The following PLEKHG4B variants were observed in gnomAD, a reference collection of about 807,000 sequenced individuals.
PLEKHG4B encodes pleckstrin homology and RhoGEF domain containing G4B, also known as pleckstrin homology domain-containing family G member 4B.
Under a neutral mutation model 121.3 loss-of-function variants are expected in PLEKHG4B, and 111 were observed. The ratio of observed to expected loss-of-function variants is 0.92; its 90% CI spans 0.78 to 1.07. PLEKHG4B has a LOEUF of 1.07. Ranked by LOEUF, PLEKHG4B falls within the 50% of genes least tolerant of loss-of-function variation. PLEKHG4B has a pLI of 0.00. For synonymous variants in PLEKHG4B, 738 were observed against 725.0 expected (o/e 1.02, Z -0.29); for missense variants, 1,831 against 1,757.8 (o/e 1.04, Z -0.74).
chr5:174,271 GAA>G (rs1736680824), intron 18 of PLEKHG4B, among the ~76,000 whole-genome samples, 173 bp downstream of exon 18: 2 of 115,614 alleles, frequency 1.7e-5, no homozygotes, highest in East Asian at 3.1e-4. Context: ...AGGGGCTGGG[GAA>G]TGGGGGCTGG....
Position 154,904 on chromosome 5 carries a change from G to A in PLEKHG4B, c.2022G>A (p.Val674=). 1 of 1,613,834 alleles carries A rather than the reference G, an allele frequency of 6.2e-7. No individual in the cohort carries two copies. The highest frequency in any genetic ancestry group is 8.5e-7 in the Non-Finnish European group (1 of 1,180,026). The change falls in exon 8 of 20, where the codon GTG becomes GTA. Residue 674 remains valine (V), a synonymous_variant. Transcript: ENST00000637938. ...QCEVVSSLKA[V]HKFVDSCQLT... Reference sequence around the variant, plus strand: ...AGGTCGTGAGCTCCCTGAAGGCCGTGCACAAATTTGTTGACAGCTGCCAGC... The same window carrying A: ...AGGTCGTGAGCTCCCTGAAGGCCGTACACAAATTTGTTGACAGCTGCCAGC...
Position 143,273 on chromosome 5 carries a change from G to C in PLEKHG4B, c.1687+17G>C, listed in dbSNP as rs1029823527. 1.3e-5 allele frequency: 21 copies of C among 1,609,410 alleles called. No homozygotes were observed. The highest frequency in any genetic ancestry group is 1.7e-5 in the Admixed American group (1 of 59,994). On this transcript the variant is annotated intron_variant, in intron 4 of 19. Transcript: ENST00000637938. ...CCCTCCCAGGTGAGAGCACATGCCA[G>C]GCTCTCCTGTCAGGGCGGATCTGAC...
At chr5:141,638 G>C (rs1357385194) in intron 3 of PLEKHG4B, among the ~76,000 whole-genome samples, 2 of 151,190 alleles carry the variant, frequency 1.3e-5, no homozygotes, top group Admixed American at 6.6e-5. Flanking sequence ...GAGAGAAAAT[G>C]TGATGATTTA....
Position 155,411 on chromosome 5 carries a change from C to T in PLEKHG4B, c.2176C>T (p.Leu726=), listed in dbSNP as rs770549223. Residue 726 remains leucine (L), a synonymous_variant, in exon 9 of 20, where the codon CTG becomes TTG. Coordinates refer to ENST00000637938, the MANE Select transcript of PLEKHG4B (RefSeq NM_052909.5). ...TTTCCTACAGAATTCATTCTGCTCC[C>T]TGAACACCCACAGAACCCCAAGAAC... ...IIFLQNSFCS[L]NTHRTPRTAQ... The T allele has an allele frequency of 6.2e-7, 1 of 1,614,214 alleles. No homozygotes were observed. The highest frequency in any genetic ancestry group is 8.5e-7 in the Non-Finnish European group (1 of 1,180,026).
At chr5:162,409 C>T (rs754671894) in intron 12 of PLEKHG4B, among the ~76,000 whole-genome samples, 11 of 152,214 alleles carry the variant, frequency 7.2e-5, no homozygotes, top group East Asian at 1.9e-4. Context: ...AGGGTAGAGC[C>T]GTCTGCCCCG....
rs995324543 is a variant in PLEKHG4B, at chr5:140,056, G to A, written c.817G>A (p.Glu273Lys). 1.6e-5 allele frequency: 7 copies of A among 436,770 alleles called. No homozygotes were observed. Among genetic ancestry groups the A allele is most frequent in the Admixed American group, 7.7e-5 (2 of 25,820 alleles). The allele number at this position is 436,770 out of a possible 1,614,324, so 27.1% of individuals were successfully genotyped here. A position where few individuals can be genotyped will look rare whatever the true frequency, so the allele number is the denominator to read the frequency against. Residue 273 changes from glutamate to lysine, a missense_variant, in exon 3 of 20, where the codon GAG becomes AAG. Coordinates refer to ENST00000637938, the MANE Select transcript of PLEKHG4B (RefSeq NM_052909.5). ...LRHLPYPERA[E>K]LGSPRTLSGS... ...GCACCTTCCTTATCCAGAAAGAGCC[G>A]AGCTGGGAAGCCCCAGGACCCTGTC...
chr5:181,813 C>T (rs562960867), intron 19 of PLEKHG4B, 138 bp downstream of exon 19: 196 of 1,302,324 alleles, frequency 1.5e-4, no homozygotes, highest in Non-Finnish European at 1.8e-4. Context: ...GACACGGGTA[C>T]GGTGGCCTCG....
chr5:158,315 C>G (rs58539762), intron 11 of PLEKHG4B, among the ~76,000 whole-genome samples: 1,781 of 96,204 alleles, frequency 0.019, 93 homozygotes, highest in African/African-American at 0.049. Flanking sequence ...TCCATCTCCT[C>G]TCCTCCCTCT....
At chr5:115,751 C>G (rs1246841204) in intron 2 of PLEKHG4B, among the ~76,000 whole-genome samples, 1 of 152,232 alleles carries the variant, frequency 6.6e-6, no homozygotes, top group Non-Finnish European at 1.5e-5. Context: ...TAGCTTCAAG[C>G]TTTTCTTCTG....
At chr5:148,112 G>T (rs889060920) in intron 6 of PLEKHG4B, among the ~76,000 whole-genome samples, 2 of 152,046 alleles carry the variant, frequency 1.3e-5, no homozygotes, top group African/African-American at 4.8e-5. Context: ...AAAATCTACA[G>T]CAAATATCAT....
chr5:172,684 C>T (rs1736602898), intron 16 of PLEKHG4B, among the ~76,000 whole-genome samples: 1 of 152,136 alleles, frequency 6.6e-6, no homozygotes, highest in Non-Finnish European at 1.5e-5. Context: ...TGGGTGAGTT[C>T]CTGAGCTTTT....
intron 2 of PLEKHG4B, among the ~76,000 whole-genome samples, chr5:136,468 A>G (rs1734986858): frequency 6.6e-6 from 1 of 152,234 alleles, no homozygotes; most frequent in Non-Finnish European, 1.5e-5. Flanking sequence ...CAAAAGCTCA[A>G]CAACAAAAAT....
chr5:140,708 A>G lies in PLEKHG4B; in HGVS notation c.1469A>G (p.Lys490Arg), dbSNP rs1735145144. Residue 490 changes from lysine to arginine, a missense_variant, in exon 3 of 20, where the codon AAA becomes AGA. Lys to Arg is a conservative substitution (Grantham distance 26, BLOSUM62 2). Coordinates refer to ENST00000637938, the MANE Select transcript of PLEKHG4B (RefSeq NM_052909.5). ...CVPVEGPGCTKEEDVLASSAC... is the reference protein window; with the variant it reads ...CVPVEGPGCTREEDVLASSAC... The stretch of plus-strand genomic sequence containing the variant: ...CCAGTAGAGGGTCCCGGCTGCACCA[A>G]AGAGGAAGGTAAATGCTCCCCACGC... The G allele has an allele frequency of 2.6e-6, 4 of 1,565,864 alleles. No individual in the cohort carries two copies. The highest frequency in any genetic ancestry group is 3.5e-6 in the Non-Finnish European group (4 of 1,156,668).
intron 18 of PLEKHG4B, among the ~76,000 whole-genome samples, chr5:178,318 T>A (rs999289907): frequency 2.0e-5 from 3 of 152,174 alleles, no homozygotes; most frequent in South Asian, 2.1e-4. Context: ...ACATTCCCAA[T>A]GGGTGGGGGA....
intron 1 of PLEKHG4B, among the ~76,000 whole-genome samples, chr5:100,510 G>A (rs1733774672): frequency 1.9e-5 from 1 of 51,712 alleles, no homozygotes; most frequent in African/African-American, 1.4e-4. Flanking sequence ...AAAGCCTGTA[G>A]GGGAGAGACT....
chr5:171,939 G>A lies in PLEKHG4B; in HGVS notation c.4050+495G>A, dbSNP rs527827033. The stretch of plus-strand genomic sequence containing the variant: ...GGGTCTCATCAGGCCCCTCTGCGGG[G>A]GTTGTGCAGCTCAGTGTAGTGAAGG... On this transcript the variant is annotated intron_variant, in intron 16 of 19. Transcript: ENST00000637938. Among the ~76,000 whole-genome samples, 6 of 152,340 alleles carry A rather than the reference G, an allele frequency of 3.9e-5. No individual in the cohort carries two copies. In the East Asian group the frequency reaches 1.2e-3, roughly 29 times the overall value.
At chr5:118,929 C>T (rs776279677) in intron 2 of PLEKHG4B, among the ~76,000 whole-genome samples, 11 of 151,742 alleles carry the variant, frequency 7.2e-5, no homozygotes, top group Non-Finnish European at 1.5e-4. Flanking sequence ...TGGCTCACTA[C>T]AGCCTTGACC....
rs1456651163 is a variant in PLEKHG4B at position 137,175 on chromosome 5, A to G, written c.244-2308A>G. On this transcript the variant is annotated intron_variant, in intron 2 of 19. Transcript: ENST00000637938. This position sits in a 1 kb window ranked among gnomAD's most constrained non-coding sequence, Gnocchi z 4.2. Reference sequence around the variant, plus strand: ...GATAGGAGCCAGTACTGGAAGGACAAATGTTGGATGATTCCACTTGTATGA... The same window carrying G: ...GATAGGAGCCAGTACTGGAAGGACAGATGTTGGATGATTCCACTTGTATGA... Among the ~76,000 whole-genome samples, 3 of 152,210 alleles carry G rather than the reference A, an allele frequency of 2.0e-5. No homozygotes were observed. The highest frequency in any genetic ancestry group is 7.2e-5 in the African/African-American group (3 of 41,452).
chr5:169,620 G>GTGCA (rs754675572), intron 14 of PLEKHG4B, 28 bp downstream of exon 14: 1 of 1,606,652 alleles, frequency 6.2e-7, no homozygotes, highest in South Asian at 1.1e-5. Context: ...CGTGGGTGCC[G>GTGCA]GGCAACGTGG....
Sources: allele counts gnomAD v4.1 joint callset (sites outside exome capture counted in the v4.1 genomes callset), GRCh38; gene constraint gnomAD v4.1.1; non-coding constraint Gnocchi (gnomAD v3.1); transcripts MANE v1.5; gene names NCBI Gene and HGNC (gene_info 2026-07-23, HGNC 2026-07-21).